Variants in KCNH7 observed in about 807,000 individuals in gnomAD.
KCNH7 encodes the protein potassium voltage-gated channel subfamily H member 7, also known as voltage-gated inwardly rectifying potassium channel KCNH7.
KCNH7 carries 49 observed loss-of-function variants against 120.8 expected under a neutral mutation model. The ratio of observed to expected loss-of-function variants is 0.41; its 90% CI spans 0.32 to 0.51. The LOEUF is 0.51. KCNH7 is among the 20% of genes least tolerant of loss of function. KCNH7 has a pLI of 0.38. For missense variants in KCNH7, 1,097 were observed against 1,446.6 expected, an observed-to-expected ratio of 0.76 and a Z score of 3.92; for synonymous variants, 547 against 516.1, an observed-to-expected ratio of 1.06 and a Z score of -0.81.
chr2:162,411,822 A>T (rs1226440445), intron 9 of KCNH7, among the ~76,000 whole-genome samples: 1 of 151,776 alleles, frequency 6.6e-6, no homozygotes, highest in Non-Finnish European at 1.5e-5. Flanking sequence ...TGGAAATTCT[A>T]GTGAATCAAA....
intron 7 of KCNH7, among the ~76,000 whole-genome samples, chr2:162,442,848 C>T (rs533896148): frequency 6.4e-4 from 98 of 152,170 alleles, no homozygotes; most frequent in African/African-American, 2.2e-3. Context: ...AGAATGAGAC[C>T]GTGTCTTAAA....
At chr2:162,409,168 G>A (rs1687315300) in intron 9 of KCNH7, among the ~76,000 whole-genome samples, 1 of 151,540 alleles carries the variant, frequency 6.6e-6, no homozygotes, top group African/African-American at 2.4e-5. Flanking sequence ...AAATCAAATA[G>A]AATATATAAA....
At chr2:162,509,404 G>T (rs1450844884) in intron 5 of KCNH7, among the ~76,000 whole-genome samples, 1 of 151,524 alleles carries the variant, frequency 6.6e-6, no homozygotes, top group South Asian at 2.1e-4. Flanking sequence ...TAAATCATCA[G>T]GTATTTGTAC....
chr2:162,704,524 A>G (rs1457954177), intron 2 of KCNH7, among the ~76,000 whole-genome samples: 1 of 152,220 alleles, frequency 6.6e-6, no homozygotes, highest in Non-Finnish European at 1.5e-5. Flanking sequence ...ACTAAGTGCT[A>G]AAATTCAGAA....
chr2:162,787,701 C>T lies in KCNH7; in HGVS notation c.307+48836G>A, dbSNP rs191162245. Among the ~76,000 whole-genome samples the T allele has an allele frequency of 1.3e-4, 20 of 152,334 alleles. No individual in the cohort carries two copies. The East Asian group carries it at 3.9e-3, about 29-fold the overall frequency. On this transcript the variant is annotated intron_variant, in intron 2 of 15. Coordinates refer to ENST00000332142, the MANE Select transcript of KCNH7 (RefSeq NM_033272.4). The stretch of plus-strand genomic sequence containing the variant: ...AGCCCGGCCCCCACTGACTCAGACT[C>T]AAGGCCCAGATAACATCAGTTCAGA...
intron 2 of KCNH7, among the ~76,000 whole-genome samples, chr2:162,704,669 A>T (rs1366791688): frequency 2.6e-5 from 4 of 152,214 alleles, no homozygotes; most frequent in African/African-American, 9.6e-5. Flanking sequence ...TGGGAAAGCC[A>T]ATTTCTTTCC....
At chr2:162,786,027 G>T (rs1377329798) in intron 2 of KCNH7, among the ~76,000 whole-genome samples, 3 of 152,084 alleles carry the variant, frequency 2.0e-5, no homozygotes, top group Non-Finnish European at 4.4e-5. Flanking sequence ...CAGATCACAA[G>T]GTTAGCAGTT....
intron 2 of KCNH7, among the ~76,000 whole-genome samples, chr2:162,783,480 G>A (rs1009760180): frequency 6.6e-6 from 1 of 152,186 alleles, no homozygotes; most frequent in African/African-American, 2.4e-5. Flanking sequence ...GGCCAACAAT[G>A]TTTTGAGATG....
At chr2:162,396,106 G>C (rs1310704171) in intron 11 of KCNH7, among the ~76,000 whole-genome samples, 1 of 151,684 alleles carries the variant, frequency 6.6e-6, no homozygotes, top group African/African-American at 2.4e-5. Flanking sequence ...CATTTTCACA[G>C]TAGAAAAGAG....
At chr2:162,713,739 CTTTTT>C (rs1331819105) in intron 2 of KCNH7, among the ~76,000 whole-genome samples, 1 of 151,884 alleles carries the variant, frequency 6.6e-6, no homozygotes, top group Non-Finnish European at 1.5e-5. Flanking sequence ...TGTTGTTTTT[CTTTTT>C]TGTTTGTTTG....
chr2:162,834,479 C>T (rs1300287336), intron 2 of KCNH7, among the ~76,000 whole-genome samples: 8 of 151,326 alleles, frequency 5.3e-5, no homozygotes, highest in Admixed American at 5.3e-4. Context: ...AAAATGAAGT[C>T]AACAGAATCA....
In KCNH7 at chr2:162,429,490, A is replaced by G. The variant is rs926136507; in HGVS notation, c.1954+5708T>C. The stretch of plus-strand genomic sequence containing the variant: ...GGTATAATTTTCTTTAACCTGAAGA[A>G]CTTTATCATTTCTTGTAGACTGCTC... On this transcript the variant is annotated intron_variant, in intron 8 of 15. Transcript: ENST00000332142. 7.4e-5 allele frequency among the ~76,000 whole-genome samples: 11 copies of G among 147,720 alleles called. No individual in the cohort carries two copies. In the East Asian group the frequency reaches 2.0e-3, roughly 27 times the overall value.
At chr2:162,700,879 A>G (rs1029110526) in intron 2 of KCNH7, among the ~76,000 whole-genome samples, 2 of 152,224 alleles carry the variant, frequency 1.3e-5, no homozygotes, top group Non-Finnish European at 2.9e-5. Flanking sequence ...GTCTTTAAAA[A>G]TCAGAGTTTT....
intron 6 of KCNH7, among the ~76,000 whole-genome samples, chr2:162,473,366 A>G (rs958381867): frequency 1.3e-5 from 2 of 152,300 alleles, no homozygotes; most frequent in African/African-American, 2.4e-5. Context: ...CAAATAACAG[A>G]AAGTCAGGGA....
At chr2:162,380,176 A>T (rs1686365106) in intron 13 of KCNH7, among the ~76,000 whole-genome samples, 155 bp from the exon 14 acceptor site, 1 of 152,172 alleles carries the variant, frequency 6.6e-6, no homozygotes, top group Non-Finnish European at 1.5e-5. Context: ...GGCCACGGCC[A>T]GTTGGTAGCA....
intron 2 of KCNH7, among the ~76,000 whole-genome samples, chr2:162,701,371 T>C (rs1008900656): frequency 6.6e-6 from 1 of 152,014 alleles, no homozygotes; most frequent in Admixed American, 6.6e-5. Context: ...TAAATATATA[T>C]AAAATCATAA....
chr2:162,516,741 C>G (rs1486710295), intron 4 of KCNH7, among the ~76,000 whole-genome samples: 1 of 151,648 alleles, frequency 6.6e-6, no homozygotes, highest in East Asian at 2.0e-4. Context: ...ACAGACTCCT[C>G]CTATGGCAAG....
At chr2:162,679,338 G>A (rs1420814403) in intron 2 of KCNH7, among the ~76,000 whole-genome samples, 1 of 151,612 alleles carries the variant, frequency 6.6e-6, no homozygotes, top group Non-Finnish European at 1.5e-5. Flanking sequence ...CGCATGAGTA[G>A]GCTTATATGT....
At chr2:162,398,756 C>G (rs961767733) in intron 10 of KCNH7, among the ~76,000 whole-genome samples, 1 of 151,850 alleles carries the variant, frequency 6.6e-6, no homozygotes, top group Non-Finnish European at 1.5e-5. Flanking sequence ...ATCAGAAATG[C>G]AATGAAGCAT....
Sources: allele counts gnomAD v4.1 joint callset (sites outside exome capture counted in the v4.1 genomes callset), GRCh38; gene constraint gnomAD v4.1.1; transcripts MANE v1.5; gene names NCBI Gene and HGNC (gene_info 2026-07-23, HGNC 2026-07-21).